ARHGEF9: variants seen among roughly 807,000 people sequenced by gnomAD.
ARHGEF9 encodes the protein rho guanine nucleotide exchange factor 9.
In ARHGEF9, 2 loss-of-function variants were observed where a neutral mutation model predicts 41.3. The ratio of observed to expected loss-of-function variants is 0.05; its 90% CI spans 0.02 to 0.15. ARHGEF9 has a LOEUF of 0.15. ARHGEF9 is among the 10% of genes least tolerant of loss of function. ARHGEF9 has a pLI of 1.00. For synonymous variants in ARHGEF9, 160 were observed against 154.4 expected, an observed-to-expected ratio of 1.04 and a Z score of -0.27; for missense variants, 225 against 424.7, an observed-to-expected ratio of 0.53 and a Z score of 4.13.
intron 1 of ARHGEF9, among the ~76,000 whole-genome samples, chrX:63,783,552 G>A (rs1449449683): frequency 8.9e-6 from 1 of 111,768 alleles, no homozygotes; most frequent in Non-Finnish European, 1.9e-5. Flanking sequence ...GGCCGCGCCC[G>A]GCTTTCAGGT....
At chrX:63,645,534 C>T (rs1602190291) in intron 8 of ARHGEF9, among the ~76,000 whole-genome samples, 1 of 111,629 alleles carries the variant, frequency 9.0e-6, no homozygotes, top group Non-Finnish European at 1.9e-5. Context: ...CAGCTTCATC[C>T]ATGTTCCTAC....
intron 1 of ARHGEF9, among the ~76,000 whole-genome samples, chrX:63,727,994 G>A (rs2054070692): frequency 9.0e-6 from 1 of 111,389 alleles, no homozygotes. Context: ...ATAAAATGGG[G>A]ATAATTCTAC....
chrX:63,671,839 C>G (rs782008975), intron 6 of ARHGEF9, among the ~76,000 whole-genome samples: 2 of 112,336 alleles, frequency 1.8e-5, no homozygotes, highest in African/African-American at 6.5e-5. Context: ...ATGACAGAAA[C>G]TTTAGGCTTG....
At chrX:63,665,557 A>G (rs1342900817) in intron 7 of ARHGEF9, among the ~76,000 whole-genome samples, 1 of 112,785 alleles carries the variant, frequency 8.9e-6, no homozygotes, top group Non-Finnish European at 1.9e-5. Context: ...AGATAGACAT[A>G]TTTCAATATT....
chrX:63,723,737 C>T (rs2053780613), intron 2 of ARHGEF9, among the ~76,000 whole-genome samples: 1 of 112,082 alleles, frequency 8.9e-6, no homozygotes, highest in Admixed American at 9.5e-5. Context: ...CAATGTTATT[C>T]TCCCATAGCA....
rs782557983 is a variant in ARHGEF9 at position 63,666,145 on chromosome X, G to T, written c.946-128C>A. The T allele has an allele frequency of 1.2e-5, 11 of 884,137 alleles. No homozygotes were observed. In the African/African-American group the frequency reaches 2.0e-4, roughly 16 times the overall value. The allele number at this position is 884,137 out of a possible 1,213,427, so 72.9% of individuals were successfully genotyped here. A position where few individuals can be genotyped will look rare whatever the true frequency, so the allele number is the denominator to read the frequency against. Reference sequence around the variant, plus strand: ...CCAGAAAGGGCCTGGTAGAGACAGAGGGAGAGAGGGACTCCTGGGACTCCT... The same window carrying T: ...CCAGAAAGGGCCTGGTAGAGACAGATGGAGAGAGGGACTCCTGGGACTCCT... On this transcript the variant is annotated intron_variant, in intron 6 of 9. Coordinates refer to ENST00000671741, the MANE Select transcript of ARHGEF9 (RefSeq NM_001353921.2).
chrX:63,670,948 G>A (rs1221202216), intron 6 of ARHGEF9, among the ~76,000 whole-genome samples: 1 of 112,040 alleles, frequency 8.9e-6, no homozygotes, highest in African/African-American at 3.2e-5. Context: ...ATAATGCAGG[G>A]CTTCCTGCTC....
rs782099499 is a variant in ARHGEF9 at position 63,711,373 on chromosome X, G to A, written c.211-4924C>T. ...AACAATTTTGAAAAAGGAGAATAAA[G>A]TTGGAGGACTCACACTTTCTGATTT... On this transcript the variant is annotated intron_variant, in intron 2 of 9. Coordinates refer to ENST00000671741, the MANE Select transcript of ARHGEF9 (RefSeq NM_001353921.2). 1.4e-3 allele frequency among the ~76,000 whole-genome samples: 159 copies of A among 111,657 alleles called. 1 individual carries two copies. Among genetic ancestry groups the A allele is most frequent in the Non-Finnish European group, 1.8e-3 (98 of 52,983 alleles).
chrX:63,709,163 A>G (rs1372615559), intron 2 of ARHGEF9: 1 of 112,248 alleles, frequency 8.9e-6, no homozygotes, highest in Admixed American at 9.4e-5. Flanking sequence ...TGCAATTAGC[A>G]CATATAGATG....
intron 1 of ARHGEF9, among the ~76,000 whole-genome samples, chrX:63,752,648 T>C (rs1434950124): frequency 1.8e-5 from 2 of 111,294 alleles, no homozygotes; most frequent in Admixed American, 1.9e-4. Flanking sequence ...ATGGTACTAA[T>C]CTCACAAAAA....
intron 2 of ARHGEF9, among the ~76,000 whole-genome samples, chrX:63,714,807 A>G (rs782661294): frequency 4.4e-4 from 49 of 112,155 alleles, no homozygotes; most frequent in Non-Finnish European, 8.3e-4. Context: ...ACAATGAAGC[A>G]ACATATGAGA....
Position 63,716,720 on chromosome X carries a change from C to T in ARHGEF9, c.210+7812G>A, listed in dbSNP as rs181598655. 5.0e-4 allele frequency among the ~76,000 whole-genome samples: 56 copies of T among 111,578 alleles called. 2 individuals carry two copies. The highest frequency in any genetic ancestry group is 1.8e-3 in the African/African-American group (55 of 30,692). On this transcript the variant is annotated intron_variant, in intron 2 of 9. Coordinates refer to ENST00000671741, the MANE Select transcript of ARHGEF9 (RefSeq NM_001353921.2). Reference sequence around the variant, plus strand: ...CCAGTCACTTGTCATGACAACAAACCACCCTCTGTCTGCTGCCTACTGATG... The same window carrying T: ...CCAGTCACTTGTCATGACAACAAACTACCCTCTGTCTGCTGCCTACTGATG...
intron 1 of ARHGEF9, among the ~76,000 whole-genome samples, chrX:63,782,254 A>G (rs2147831052): frequency 9.0e-6 from 1 of 111,702 alleles, no homozygotes; most frequent in African/African-American, 3.3e-5. Flanking sequence ...TAAATTAATG[A>G]CCCGATAGTA....
intron 3 of ARHGEF9, among the ~76,000 whole-genome samples, chrX:63,706,034 A>T (rs2052523311): frequency 8.9e-6 from 1 of 111,812 alleles, no homozygotes; most frequent in African/African-American, 3.3e-5. Context: ...AATATAAATG[A>T]ATAAATATTA....
intron 4 of ARHGEF9, among the ~76,000 whole-genome samples, chrX:63,681,408 G>A (rs1212638074): frequency 8.9e-6 from 1 of 111,949 alleles, no homozygotes; most frequent in Non-Finnish European, 1.9e-5. Flanking sequence ...TATCTTTTCT[G>A]GTCATGATGA....
chrX:63,663,039 T>C (rs1335765720), intron 7 of ARHGEF9, among the ~76,000 whole-genome samples: 1 of 111,613 alleles, frequency 9.0e-6, no homozygotes, highest in African/African-American at 3.3e-5. Flanking sequence ...CTTATGAAAG[T>C]AGAGCTGGTT....
chrX:63,667,674 C>G (rs1246967809), intron 6 of ARHGEF9, among the ~76,000 whole-genome samples: 12 of 110,600 alleles, frequency 1.1e-4, no homozygotes, highest in Non-Finnish European at 2.3e-4. Context: ...AGGGGGAACT[C>G]AGTAGAATTA....
At chrX:63,656,470 T>C (rs1376070734) in intron 7 of ARHGEF9, 4 of 111,519 alleles carry the variant, frequency 3.6e-5, no homozygotes, top group African/African-American at 1.3e-4. Flanking sequence ...AATTGGTCCA[T>C]GCATGGCATT....
chrX:63,694,890 G>C (rs1463556102), intron 4 of ARHGEF9, among the ~76,000 whole-genome samples: 3 of 111,952 alleles, frequency 2.7e-5, no homozygotes, highest in African/African-American at 9.7e-5. Flanking sequence ...TGATAAAAAT[G>C]AAATTCTAGA....
Sources: allele counts gnomAD v4.1 joint callset (sites outside exome capture counted in the v4.1 genomes callset), GRCh38; gene constraint gnomAD v4.1.1; transcripts MANE v1.5; gene names NCBI Gene and HGNC (gene_info 2026-07-23, HGNC 2026-07-21).